DPP6: variants seen among roughly 807,000 people sequenced by gnomAD.
DPP6 encodes the protein A-type potassium channel modulatory protein DPP6.
In DPP6, 69 loss-of-function variants were observed where a neutral mutation model predicts 122.6. The ratio of observed to expected loss-of-function variants is 0.56; its 90% CI spans 0.46 to 0.69. The LOEUF (loss-of-function observed/expected upper bound fraction) is 0.69. Ranked by LOEUF, DPP6 falls within the 30% of genes least tolerant of loss-of-function variation. DPP6 has a pLI of 0.00. For missense variants in DPP6, 928 were observed against 1,116.9 expected (o/e 0.83, Z 2.41); for synonymous variants, 418 against 433.1 (o/e 0.97, Z 0.43).
In DPP6 at chr7:154,544,153, T is replaced by TTA. The variant is rs565185981; in HGVS notation, c.552+3542_552+3543dup. 4.9e-3 allele frequency among the ~76,000 whole-genome samples: 712 copies of TTA among 145,902 alleles called. 1 individual carries two copies. Among genetic ancestry groups the TTA allele is most frequent in the African/African-American group, 0.012 (478 of 40,222 alleles). The stretch of plus-strand genomic sequence containing the variant: ...AATATATGTATTTTATATATATATT[T>TTA]TATATATATATATATAGTGGGCTAT... On this transcript the variant is annotated intron_variant, in intron 4 of 25. Transcript: ENST00000377770.
At chr7:154,280,179 G>A (rs12703338) in intron 1 of DPP6, among the ~76,000 whole-genome samples, 40,824 of 149,848 alleles carry the variant, frequency 0.27, 5,744 homozygotes, top group Middle Eastern at 0.32. Context: ...CATATTTAAT[G>A]TTTTTACTGT....
intron 1 of DPP6, among the ~76,000 whole-genome samples, chr7:154,076,399 G>A (rs532987630): frequency 2.6e-5 from 4 of 151,898 alleles, no homozygotes; most frequent in South Asian, 4.2e-4. Flanking sequence ...GCAGTGAGCC[G>A]AGATTGTGGC....
chr7:153,866,497 G>A, the DPP6 span, among the ~76,000 whole-genome samples: 1 of 151,642 alleles, frequency 6.6e-6, no homozygotes, highest in Non-Finnish European at 1.5e-5. Flanking sequence ...TTTTGATGGG[G>A]TTGTTTTTTT....
the DPP6 span, among the ~76,000 whole-genome samples, chr7:153,798,139 G>A: frequency 3.3e-5 from 5 of 152,028 alleles, no homozygotes; most frequent in African/African-American, 1.2e-4. Flanking sequence ...ACCGTGCCCA[G>A]CCCCCTCCAT....
chr7:154,579,713 G>C (rs73165010), intron 5 of DPP6, among the ~76,000 whole-genome samples: 3 of 152,348 alleles, frequency 2.0e-5, no homozygotes, highest in Non-Finnish European at 4.4e-5. Context: ...GAGAGGAACA[G>C]AGGCAGATGG....
Position 154,624,252 on chromosome 7 carries a change from G to A in DPP6, c.628-13569G>A, listed in dbSNP as rs1247397185. 2.6e-5 allele frequency among the ~76,000 whole-genome samples: 4 copies of A among 151,802 alleles called. No homozygotes were observed. The highest frequency in any genetic ancestry group is 5.9e-5 in the Non-Finnish European group (4 of 67,966). Reference sequence around the variant, plus strand: ...CTGAGGCAGAGAATTGCTTGAACCCGGGAGGCAGAGGTTGCAGTGAGCCAA... The same window carrying A: ...CTGAGGCAGAGAATTGCTTGAACCCAGGAGGCAGAGGTTGCAGTGAGCCAA... On this transcript the variant is annotated intron_variant, in intron 5 of 25. Transcript: ENST00000377770. This position sits in a 1 kb window ranked among gnomAD's most constrained non-coding sequence, Gnocchi z 4.7.
At chr7:154,723,618 G>C (rs540385991) in intron 7 of DPP6, among the ~76,000 whole-genome samples, 1 of 152,310 alleles carries the variant, frequency 6.6e-6, no homozygotes, top group East Asian at 1.9e-4. Flanking sequence ...GAACCAGGAG[G>C]GCTGAGCAGA....
At chr7:154,190,373 C>A (rs1798557500) in intron 1 of DPP6, among the ~76,000 whole-genome samples, 1 of 151,936 alleles carries the variant, frequency 6.6e-6, no homozygotes, top group African/African-American at 2.4e-5. Context: ...CACCACCAGC[C>A]CCTCTAGTAA....
intron 1 of DPP6, among the ~76,000 whole-genome samples, chr7:154,080,329 G>C (rs1803897641): frequency 6.6e-6 from 1 of 152,084 alleles, no homozygotes; most frequent in South Asian, 2.1e-4. Flanking sequence ...GTGTGGAGTT[G>C]ACAGTGACAT....
chr7:154,444,091 A>G (rs746565436), intron 1 of DPP6, among the ~76,000 whole-genome samples: 5 of 152,194 alleles, frequency 3.3e-5, no homozygotes, highest in African/African-American at 4.8e-5. Flanking sequence ...TCTAACTTGA[A>G]AACTGCATCT....
intron 12 of DPP6, among the ~76,000 whole-genome samples, chr7:154,800,552 G>A (rs531060662): frequency 7.9e-5 from 12 of 152,348 alleles, no homozygotes; most frequent in East Asian, 1.9e-4. Context: ...GGCTGAGGCC[G>A]CTGGCTGTTC....
In DPP6 at chr7:154,294,070, G is replaced by A. The variant is rs78242801; in HGVS notation, c.244-152144G>A. Among the ~76,000 whole-genome samples the A allele has an allele frequency of 7.4e-3, 1,119 of 152,206 alleles. 13 individuals carry two copies. The highest frequency in any genetic ancestry group is 0.025 in the African/African-American group (1,058 of 41,506). ...ACATAGCCAGTAAGCGAAAGGACCC[G>A]GGATTTGCAAACAAGAAATTATTCT... On this transcript the variant is annotated intron_variant, in intron 1 of 25. Transcript: ENST00000377770.
At chr7:154,661,579 G>A (rs1201816388) in intron 6 of DPP6, among the ~76,000 whole-genome samples, 1 of 122,204 alleles carries the variant, frequency 8.2e-6, no homozygotes, top group African/African-American at 3.3e-5. Flanking sequence ...GAATCACCAT[G>A]GCGTATTGGC....
intron 7 of DPP6, among the ~76,000 whole-genome samples, chr7:154,716,245 G>T (rs1841475172): frequency 6.6e-6 from 1 of 152,050 alleles, no homozygotes; most frequent in Admixed American, 6.6e-5. Flanking sequence ...CAAAGAAAAT[G>T]AAGCCCCAAC....
intron 1 of DPP6, among the ~76,000 whole-genome samples, chr7:154,351,041 T>G (rs568398012): frequency 1.0e-3 from 158 of 152,284 alleles, no homozygotes; most frequent in African/African-American, 3.7e-3. Context: ...AATTTGAGGT[T>G]TCTTAACATT....
chr7:154,885,798 CCCTG>C, intron 22 of DPP6, 54 bp downstream of exon 22: 1 of 1,546,612 alleles, frequency 6.5e-7, no homozygotes, highest in Non-Finnish European at 8.7e-7. Flanking sequence ...CCGCCCCGCC[CCCTG>C]CCTGCGTGGC....
At chr7:154,588,236 C>T in intron 5 of DPP6, 10 of 1,353,886 alleles carry the variant, frequency 7.4e-6, no homozygotes, top group Non-Finnish European at 9.8e-6. Flanking sequence ...AGGGAGGGAC[C>T]CTCCACTGGT....
the DPP6 span, among the ~76,000 whole-genome samples, chr7:153,752,485 G>A: frequency 4.0e-5 from 6 of 151,178 alleles, no homozygotes; most frequent in East Asian, 1.2e-3. Context: ...CTGGCCTAAA[G>A]CAATCCACCC....
rs1586661623 is a variant in DPP6 at position 154,575,045 on chromosome 7, TG to T, written c.627+8131del. 9.5e-5 allele frequency among the ~76,000 whole-genome samples: 12 copies of T among 126,562 alleles called. No homozygotes were observed. In the East Asian group the frequency reaches 1.4e-3, roughly 15 times the overall value. The allele number at this position is 126,562 out of a possible 152,430, so 83.0% of individuals were successfully genotyped here. ...GTGTATGTGTGTGGTGTGTGTGGTG[TG>T]GTGTGTGTGGTGTGTTTGGTGTGTT... On this transcript the variant is annotated intron_variant, in intron 5 of 25. Transcript: ENST00000377770.
Sources: allele counts gnomAD v4.1 joint callset (sites outside exome capture counted in the v4.1 genomes callset), GRCh38; gene constraint gnomAD v4.1.1; non-coding constraint Gnocchi (gnomAD v3.1); transcripts MANE v1.5; gene names NCBI Gene and HGNC (gene_info 2026-07-23, HGNC 2026-07-21).